STX6: variants seen among roughly 807,000 people sequenced by gnomAD.
The protein encoded by STX6 is syntaxin-6.
A neutral mutation model predicts 38.0 loss-of-function variants in STX6; 23 were observed. The observed-to-expected ratio is 0.60, with a 90% CI of 0.43 to 0.86. The LOEUF (loss-of-function observed/expected upper bound fraction) is 0.86, where lower values mean the gene tolerates loss of function less well. Among genes scored for constraint, STX6 ranks in the 40% least tolerant of loss-of-function variants. The pLI, the probability that STX6 is intolerant of heterozygous loss-of-function variation, is 0.00. For synonymous variants in STX6, 123 were observed against 107.5 expected, an observed-to-expected ratio of 1.14 and a Z score of -0.89; for missense variants, 274 against 312.9, an observed-to-expected ratio of 0.88 and a Z score of 0.94.
At chr1:181,014,309 G>C (rs1237377911) in intron 1 of STX6, among the ~76,000 whole-genome samples, 1 of 151,502 alleles carries the variant, frequency 6.6e-6, no homozygotes, top group Admixed American at 6.6e-5. Context: ...CAGAAGAATC[G>C]CTTGAACCCA....
At chr1:180,983,352 C>G (rs1421116706) in intron 7 of STX6, among the ~76,000 whole-genome samples, 1 of 152,210 alleles carries the variant, frequency 6.6e-6, no homozygotes. Flanking sequence ...AAGGGAGGTG[C>G]TCTACAGTCA....
chr1:181,006,969 C>A (rs1327222224), intron 1 of STX6, among the ~76,000 whole-genome samples: 1 of 152,138 alleles, frequency 6.6e-6, no homozygotes, highest in East Asian at 1.9e-4. Context: ...AGCCTTTAGA[C>A]TTTCAGTGCT....
chr1:181,010,121 C>A (rs1020263332), intron 1 of STX6, among the ~76,000 whole-genome samples: 4 of 152,102 alleles, frequency 2.6e-5, no homozygotes, highest in African/African-American at 9.7e-5. Flanking sequence ...GGTGATGGAT[C>A]TGTGCTATAT....
rs1655184038 is a variant in STX6, at chr1:180,973,887, C to T, written c.*2683G>A. On this transcript the variant is annotated 3_prime_UTR_variant, in exon 8 of 8. Transcript: ENST00000258301. ...ATTGAGCTCTTCCTCTGTTATCCAT[C>T]ACATTCTGCCAGTTCTTTAAAACTG... 6.6e-6 allele frequency: 1 copy of T among 152,208 alleles called. No individual in the cohort carries two copies. The highest frequency in any genetic ancestry group is 2.4e-5 in the African/African-American group (1 of 41,442). The allele number at this position is 152,208 out of a possible 1,614,324, so 9.4% of individuals were successfully genotyped here.
At chr1:180,996,336 T>C (rs1655915273) in intron 3 of STX6, among the ~76,000 whole-genome samples, 1 of 152,186 alleles carries the variant, frequency 6.6e-6, no homozygotes, top group South Asian at 2.1e-4. Flanking sequence ...CATTATGTAC[T>C]AGGCATTGTG....
chr1:180,987,013 C>G (rs1655607254), intron 6 of STX6, among the ~76,000 whole-genome samples: 1 of 152,188 alleles, frequency 6.6e-6, no homozygotes, highest in Non-Finnish European at 1.5e-5. Context: ...CTAAATCACA[C>G]CTGATCACAC....
chr1:180,988,244 C>A lies in STX6; in HGVS notation c.591G>T (p.Gln197His). 1 of 1,613,334 alleles carries A rather than the reference C, an allele frequency of 6.2e-7. No individual in the cohort carries two copies. The highest frequency in any genetic ancestry group is 8.5e-7 in the Non-Finnish European group (1 of 1,179,314). The change falls in exon 6 of 8, where the codon CAG (glutamine) becomes CAT (histidine). Residue 197 changes from glutamine to histidine, a missense_variant. By Grantham distance (24) the Gln-to-His change is conservative. Transcript: ENST00000258301. ...AGGGGTGTCTCAATACTCACACTGC[C>A]TGTTCCTCCAGCTCCCCTCCGATGC... Reference protein sequence around the residue: ...SQRIGGELEEQAVMLEDFSHE... With the variant: ...SQRIGGELEEHAVMLEDFSHE...
intron 1 of STX6, among the ~76,000 whole-genome samples, chr1:181,008,138 G>A (rs1656281678): frequency 6.6e-6 from 1 of 152,128 alleles, no homozygotes; most frequent in Admixed American, 6.5e-5. Context: ...GCTGCAATGT[G>A]GATCCTAAAA....
At chr1:181,003,418 TG>T (rs1430891150) in intron 2 of STX6, among the ~76,000 whole-genome samples, 3 of 152,322 alleles carry the variant, frequency 2.0e-5, no homozygotes, top group Non-Finnish European at 4.4e-5. Context: ...TTAAAACTTT[TG>T]TTTTTTTAAT....
chr1:180,976,715 A>C, intron 7 of STX6, 69 bp from the exon 8 acceptor site: 1 of 1,453,918 alleles, frequency 6.9e-7, no homozygotes, highest in East Asian at 2.3e-5. Context: ...GTTATATGGA[A>C]TTTATGGCAC....
At chr1:181,016,941 T>G (rs10797662) in intron 1 of STX6, among the ~76,000 whole-genome samples, 108,042 of 151,584 alleles carry the variant, frequency 0.71, 38,742 homozygotes, top group African/African-American at 0.77. Flanking sequence ...ACAAAAACTA[T>G]CCGGGCGTGA....
chr1:181,015,302 T>C (rs904307381), intron 1 of STX6, among the ~76,000 whole-genome samples: 8 of 152,210 alleles, frequency 5.3e-5, no homozygotes, highest in Admixed American at 2.6e-4. Flanking sequence ...AAATTAATCA[T>C]ATCCTCCCTA....
rs757321480 is a variant in STX6 at position 180,976,609 on chromosome 1, T to C, written c.729A>G (p.Ala243=). The C allele has an allele frequency of 1.2e-6, 2 of 1,613,682 alleles. No homozygotes were observed. Among genetic ancestry groups the C allele is most frequent in the East Asian group, 2.2e-5 (1 of 44,886 alleles). ...RQWCAIAILF[A]VLLVVLILFL... ...AGAGGATGAGCACAACCAACAGGAC[T>C]GCAAAGAGGATGGCTATGGCACACC... is the stretch of plus-strand genomic sequence containing the variant. Residue 243 remains alanine, a synonymous_variant, in exon 8 of 8, where the codon GCA becomes GCG. Coordinates refer to ENST00000258301, the MANE Select transcript of STX6 (RefSeq NM_005819.6).
Position 181,005,466 on chromosome 1 carries a change from G to A in STX6, c.36-3C>T, listed in dbSNP as rs768494925. On this transcript the variant is annotated splice_polypyrimidine_tract_variant and splice_region_variant and intron_variant, in intron 1 of 7. Coordinates refer to ENST00000258301, the MANE Select transcript of STX6 (RefSeq NM_005819.6). ...TGTTGACTGCTTTCTGTACCTCTCT[G>A]TAATCAAGATGAGGCAAAGGAGAGA... 6 of 1,610,090 alleles carry A rather than the reference G, an allele frequency of 3.7e-6. No homozygotes were observed. The highest frequency in any genetic ancestry group is 4.2e-6 in the Non-Finnish European group (5 of 1,177,960).
intron 3 of STX6, among the ~76,000 whole-genome samples, chr1:180,994,831 T>C (rs966350806): frequency 2.6e-5 from 4 of 152,190 alleles, no homozygotes; most frequent in African/African-American, 9.7e-5. Flanking sequence ...AATTCAAATG[T>C]TTGCAGCATA....
chr1:180,990,910 T>G (rs1295649433), intron 4 of STX6, among the ~76,000 whole-genome samples: 1 of 152,184 alleles, frequency 6.6e-6, no homozygotes. Flanking sequence ...ATCTCAGCAG[T>G]TGGTTCTGAC....
intron 7 of STX6, among the ~76,000 whole-genome samples, chr1:180,979,270 C>T (rs937200044): frequency 2.0e-5 from 3 of 152,120 alleles, no homozygotes; most frequent in African/African-American, 7.2e-5. Flanking sequence ...AAACCTGGCA[C>T]AGAATATTCC....
intron 5 of STX6, 43 bp from the exon 6 acceptor site, chr1:180,988,388 T>G (rs370714854): frequency 1.3e-6 from 2 of 1,508,714 alleles, no homozygotes. Flanking sequence ...AAATCCATCT[T>G]ACCTGGTTCC....
chr1:180,988,853 A>G (rs1213350466), intron 5 of STX6: 2 of 152,486 alleles, frequency 1.3e-5, no homozygotes, highest in Non-Finnish European at 2.9e-5. Context: ...TACCTCAAGG[A>G]CAACTACTGA....
Sources: allele counts gnomAD v4.1 joint callset (sites outside exome capture counted in the v4.1 genomes callset), GRCh38; gene constraint gnomAD v4.1.1; transcripts MANE v1.5; gene names NCBI Gene and HGNC (gene_info 2026-07-23, HGNC 2026-07-21).